TSACC: variants seen among roughly 807,000 people sequenced by gnomAD.
TSACC encodes TSSK6-activating co-chaperone protein.
In TSACC, 3 loss-of-function variants were observed where a neutral mutation model predicts 6.9. That is an observed-to-expected ratio of 0.43 (90% confidence interval 0.20 to 1.12). The LOEUF (loss-of-function observed/expected upper bound fraction) is 1.12. Among genes scored for constraint, TSACC ranks in the 50% most tolerant of loss-of-function variants. The pLI, the probability that TSACC is intolerant of heterozygous loss-of-function variation, is 0.28. For synonymous variants in TSACC, 54 were observed against 55.1 expected (o/e 0.98, Z 0.09); for missense variants, 137 against 143.9 (o/e 0.95, Z 0.24).
chr1:156,344,668 A>G lies in TSACC; in HGVS notation c.123A>G (p.Pro41=), dbSNP rs1666074217. 1 of 1,614,150 alleles carries G rather than the reference A, an allele frequency of 6.2e-7. No individual in the cohort carries two copies. The highest frequency in any genetic ancestry group is 8.5e-7 in the Non-Finnish European group (1 of 1,180,018). The change falls in exon 3 of 4, where the codon CCA becomes CCG. Residue 41 remains proline, a synonymous_variant. Transcript: ENST00000368254. ...SYINLQASSP[P]ATFLNIQTTK... ...TTAATCTTCAAGCAAGTTCCCCACC[A>G]GCCACTTTTCTGAACATCCAGACAA...
chr1:156,339,507 G>GA (rs1558279586), intron 1 of TSACC, 127 bp from the exon 2 acceptor site: 129 of 456,598 alleles, frequency 2.8e-4, no homozygotes, highest in Middle Eastern at 5.8e-4. Flanking sequence ...ATTTTGTCCA[G>GA]AAAAAAAAGG....
At chr1:156,337,331 C>G (rs1665449599), upstream of TSACC, 1 of 263,290 alleles carries the variant, frequency 3.8e-6, no homozygotes, top group Non-Finnish European at 7.5e-6. Context: ...TCGCTTGAAC[C>G]TGGGAGGCAG....
Position 156,339,701 on chromosome 1 carries a change from T to A in TSACC, c.-57T>A. ...ATCATAGTGAAAATACTAACATGGA[T>A]TGTTGATCATCTGATGCTATGATTC... On this transcript the variant is annotated 5_prime_UTR_variant, in exon 2 of 4. It adds an upstream start codon to the 5' untranslated region. Transcript: ENST00000368254. 1.2e-6 allele frequency: 2 copies of A among 1,605,756 alleles called. No individual in the cohort carries two copies. The highest frequency in any genetic ancestry group is 1.7e-6 in the Non-Finnish European group (2 of 1,173,186).
At chr1:156,339,868 G>T in intron 2 of TSACC, 77 bp downstream of exon 2, 1 of 1,516,268 alleles carries the variant, frequency 6.6e-7, no homozygotes, top group South Asian at 1.1e-5. Context: ...TGGGAGCATT[G>T]CTGTATTCCC....
At chr1:156,343,150 G>T (rs536134885) in intron 2 of TSACC, among the ~76,000 whole-genome samples, 84 of 152,278 alleles carry the variant, frequency 5.5e-4, no homozygotes, top group African/African-American at 1.8e-3. Flanking sequence ...CTCTCTGGCT[G>T]TTTTTCTGGG....
chr1:156,341,097 G>C (rs1292547726), intron 2 of TSACC, among the ~76,000 whole-genome samples: 1 of 152,206 alleles, frequency 6.6e-6, no homozygotes, highest in African/African-American at 2.4e-5. Context: ...GATTACAGGC[G>C]TGAGCCATCG....
intron 2 of TSACC, among the ~76,000 whole-genome samples, chr1:156,340,234 C>T (rs906162180): frequency 1.3e-4 from 20 of 152,234 alleles, no homozygotes; most frequent in Non-Finnish European, 2.5e-4. Flanking sequence ...TCTCTGCTCA[C>T]TGCAAGCTCC....
chr1:156,341,433 T>G (rs557885070), intron 2 of TSACC, among the ~76,000 whole-genome samples: 1 of 152,298 alleles, frequency 6.6e-6, no homozygotes, highest in East Asian at 1.9e-4. Flanking sequence ...GATCACCTAA[T>G]GACTGTCTAC....
At position 156,341,790 on chromosome 1, in the gene TSACC, G is replaced by A. The variant is rs368766563; in HGVS notation, c.34+1999G>A. ...GTATAAAATGCATTCTTGGCCGGGC[G>A]CAGTGGCTCACGCTTGTAATCCCAG... On this transcript the variant is annotated intron_variant, in intron 2 of 3. Transcript: ENST00000368254. Among the ~76,000 whole-genome samples, 31 of 152,172 alleles carry A rather than the reference G, an allele frequency of 2.0e-4. No homozygotes were observed. The East Asian group carries it at 4.2e-3, about 21-fold the overall frequency.
At chr1:156,338,452 G>T (rs962501097), upstream of TSACC, 17 of 561,874 alleles carry the variant, frequency 3.0e-5, no homozygotes, top group South Asian at 2.2e-4. Flanking sequence ...GGAGGGCACA[G>T]GCGCTTGCGC....
Position 156,343,107 on chromosome 1 carries a change from C to G in TSACC, c.35-1473C>G, listed in dbSNP as rs143994879. 2.3e-3 allele frequency among the ~76,000 whole-genome samples: 345 copies of G among 152,298 alleles called. 1 individual carries two copies. The highest frequency in any genetic ancestry group is 7.8e-3 in the African/African-American group (324 of 41,572). ...TCATCCCCTTTTTGGGGCTGCCTGG[C>G]AGTTTGACCTTTCACTTGAGCTCCG... On this transcript the variant is annotated intron_variant, in intron 2 of 3. Coordinates refer to ENST00000368254, the MANE Select transcript of TSACC (RefSeq NM_001304817.2).
rs536629537 is a variant in TSACC, at chr1:156,341,455, A to G, written c.34+1664A>G. On this transcript the variant is annotated intron_variant, in intron 2 of 3. Coordinates refer to ENST00000368254, the MANE Select transcript of TSACC (RefSeq NM_001304817.2). ...TAATGACTGTCTACACTGCAAGACT[A>G]TCAGTTCCAGGAGAGTAGTGACCAC... 5.9e-5 allele frequency among the ~76,000 whole-genome samples: 9 copies of G among 152,286 alleles called. No individual in the cohort carries two copies. The South Asian group carries it at 6.2e-4, about 11-fold the overall frequency.
chr1:156,339,405 TATC>T (rs1208701576), intron 1 of TSACC, among the ~76,000 whole-genome samples: 5 of 152,128 alleles, frequency 3.3e-5, no homozygotes, highest in Admixed American at 2.0e-4. Context: ...GAGAAGGACT[TATC>T]ATACCGTGGA....
At chr1:156,338,056 T>C, upstream of TSACC, 1 of 1,325,828 alleles carries the variant, frequency 7.5e-7, no homozygotes, top group Non-Finnish European at 1.1e-6. Flanking sequence ...GAAGGCTCAG[T>C]GGCCCGGTCA....
intron 2 of TSACC, among the ~76,000 whole-genome samples, chr1:156,343,749 A>AT (rs1046622497): frequency 6.6e-6 from 1 of 150,988 alleles, no homozygotes; most frequent in East Asian, 1.9e-4. Flanking sequence ...TTGTTGTTTC[A>AT]TTTTTTTTGA....
upstream of TSACC, chr1:156,338,119 A>G: frequency 6.4e-7 from 1 of 1,572,280 alleles, no homozygotes; most frequent in Non-Finnish European, 8.6e-7. Flanking sequence ...AGAGGGCGAA[A>G]AGGGGGTCCA....
chr1:156,339,288 G>A (rs982091676), intron 1 of TSACC, among the ~76,000 whole-genome samples: 1 of 149,792 alleles, frequency 6.7e-6, no homozygotes, highest in Non-Finnish European at 1.5e-5. Flanking sequence ...AGTATTCCCT[G>A]TGGTGCTTTG....
At position 156,343,127 on chromosome 1, in the gene TSACC, G is replaced by A. The variant is rs1044265935; in HGVS notation, c.35-1453G>A. ...CCTGGCAGTTTGACCTTTCACTTGA[G>A]CTCCGGTGCCAGCTCTCTGGCTGTT... On this transcript the variant is annotated intron_variant, in intron 2 of 3. Transcript: ENST00000368254. 2.6e-5 allele frequency among the ~76,000 whole-genome samples: 4 copies of A among 152,148 alleles called. No individual in the cohort carries two copies. In the South Asian group the frequency reaches 6.2e-4, roughly 24 times the overall value.
upstream of TSACC, chr1:156,338,476 C>CT (rs1665573261): frequency 7.6e-6 from 4 of 529,190 alleles, no homozygotes; most frequent in Admixed American, 1.3e-4. Flanking sequence ...AGGGTGGCCG[C>CT]TCCCGGCCGC....
Sources: allele counts gnomAD v4.1 joint callset (sites outside exome capture counted in the v4.1 genomes callset), GRCh38; gene constraint gnomAD v4.1.1; transcripts MANE v1.5; gene names NCBI Gene and HGNC (gene_info 2026-07-23, HGNC 2026-07-21).